The following TENM3 variants were observed in gnomAD, a reference collection of about 807,000 sequenced individuals.
TENM3 encodes teneurin-3.
A neutral mutation model predicts 255.1 loss-of-function variants in TENM3; 63 were observed. That is an observed-to-expected ratio of 0.25 (90% CI 0.20 to 0.30). The LOEUF (loss-of-function observed/expected upper bound fraction) is 0.30, where lower values mean the gene tolerates loss of function less well. TENM3 is among the 10% of genes least tolerant of loss of function. The pLI is 1.00. For missense variants in TENM3, 2,929 were observed against 3,461.1 expected (o/e 0.85, Z 3.86); for synonymous variants, 1,306 against 1,322.3 (o/e 0.99, Z 0.27).
intron 1 of TENM3, among the ~76,000 whole-genome samples, chr4:182,154,944 A>G (rs957021891): frequency 1.3e-5 from 2 of 152,218 alleles, no homozygotes; most frequent in African/African-American, 4.8e-5. Context: ...TTTGCACAGC[A>G]TAAGAGTCTG....
chr4:181,645,662 A>T, the TENM3 span, among the ~76,000 whole-genome samples: 1 of 152,220 alleles, frequency 6.6e-6, no homozygotes, highest in South Asian at 2.1e-4. Context: ...GAACTCGTCC[A>T]AGTGATATGA....
intron 3 of TENM3, among the ~76,000 whole-genome samples, chr4:182,491,179 C>T (rs80234115): frequency 0.019 from 2,942 of 152,102 alleles, 47 homozygotes; most frequent in South Asian, 0.067. Context: ...ATAAAGTAAA[C>T]GTTAAGGCAA....
intron 19 of TENM3, among the ~76,000 whole-genome samples, chr4:182,744,409 AG>A (rs1200340100): frequency 2.6e-5 from 4 of 152,178 alleles, no homozygotes. Flanking sequence ...ATTACAAAAA[AG>A]TATAAGGAAT....
At position 182,711,727 on chromosome 4, in the gene TENM3, G is replaced by C. The variant is rs1247992370; in HGVS notation, c.2222-2360G>C. 1.4e-5 allele frequency: 3 copies of C among 221,392 alleles called. No homozygotes were observed. The South Asian group carries it at 4.8e-4, about 36-fold the overall frequency. 13.7% of individuals were successfully genotyped at this position (221,392 alleles called of 1,614,324 possible). A position where few individuals can be genotyped will look rare whatever the true frequency, so the allele number is the denominator to read the frequency against. Reference sequence around the variant, plus strand: ...AAATTATAAATCAGAGTTAAATTATGTAAAATGCCTTGGATTTAAAGTATT... The same window carrying C: ...AAATTATAAATCAGAGTTAAATTATCTAAAATGCCTTGGATTTAAAGTATT... On this transcript the variant is annotated intron_variant, in intron 12 of 27. Coordinates refer to ENST00000511685, the MANE Select transcript of TENM3 (RefSeq NM_001080477.4).
chr4:181,731,101 T>C, the TENM3 span, among the ~76,000 whole-genome samples: 1 of 152,210 alleles, frequency 6.6e-6, no homozygotes, highest in African/African-American at 2.4e-5. Flanking sequence ...TTACAGCTTG[T>C]TAATTCTTTA....
the TENM3 span, among the ~76,000 whole-genome samples, chr4:181,541,395 T>A: frequency 2.0e-5 from 3 of 151,610 alleles, no homozygotes; most frequent in South Asian, 2.1e-4. Flanking sequence ...TTAAAAAAAA[T>A]TAAAAAGTTC....
chr4:182,195,811 C>G (rs1033065190), intron 1 of TENM3, among the ~76,000 whole-genome samples: 2 of 152,114 alleles, frequency 1.3e-5, no homozygotes, highest in Non-Finnish European at 2.9e-5. Flanking sequence ...TAAACATTAA[C>G]TCACTTAACT....
At chr4:181,790,921 A>G in the TENM3 span, among the ~76,000 whole-genome samples, 1 of 152,172 alleles carries the variant, frequency 6.6e-6, no homozygotes, top group African/African-American at 2.4e-5. Context: ...ACTTAGTCCT[A>G]GGGTTCAAGT....
intron 1 of TENM3, among the ~76,000 whole-genome samples, chr4:182,230,805 TCTC>T (rs1756505283): frequency 8.2e-6 from 1 of 122,356 alleles, no homozygotes; most frequent in Non-Finnish European, 1.7e-5. Flanking sequence ...AAATACAGTT[TCTC>T]AAACTATATA....
At position 182,728,890 on chromosome 4, in the gene TENM3, T is replaced by G; in HGVS notation, c.2369-75T>G. 2.6e-6 allele frequency: 3 copies of G among 1,174,414 alleles called. No individual in the cohort carries two copies. The Admixed American group carries it at 7.5e-5, about 29-fold the overall frequency. 72.7% of individuals were successfully genotyped at this position (1,174,414 alleles called of 1,614,324 possible). On this transcript the variant is annotated intron_variant, in intron 13 of 27. Transcript: ENST00000511685. ...CTTGATGTGAAAAAAAAAAAAACAG[T>G]CAAGAAACAAAACTGATTCTACATT...
chr4:182,220,969 C>T (rs1421006816), intron 1 of TENM3, among the ~76,000 whole-genome samples: 1 of 152,138 alleles, frequency 6.6e-6, no homozygotes, highest in African/African-American at 2.4e-5. Flanking sequence ...TATCTTTTAG[C>T]AGAGTTTTGT....
At chr4:182,548,714 A>G (rs1380739406) in intron 3 of TENM3, 1 of 152,176 alleles carries the variant, frequency 6.6e-6, no homozygotes, top group Non-Finnish European at 1.5e-5. Flanking sequence ...TTACCGGTTT[A>G]ATAATGGATC....
At chr4:181,547,671 T>C in the TENM3 span, among the ~76,000 whole-genome samples, 4 of 152,260 alleles carry the variant, frequency 2.6e-5, no homozygotes, top group Non-Finnish European at 5.9e-5. Context: ...TCCCACTTAG[T>C]ACACTGGACA....
chr4:181,803,389 T>A, the TENM3 span, among the ~76,000 whole-genome samples: 2 of 152,220 alleles, frequency 1.3e-5, no homozygotes, highest in African/African-American at 2.4e-5. Flanking sequence ...TTGTATTAGA[T>A]GCATATCTAC....
chr4:182,511,311 C>T (rs1443998833), intron 3 of TENM3, among the ~76,000 whole-genome samples: 1 of 152,160 alleles, frequency 6.6e-6, no homozygotes, highest in Non-Finnish European at 1.5e-5. Context: ...TTCAAACCAA[C>T]CCACTGTGCA....
At chr4:182,760,692 C>T (rs901873425) in intron 22 of TENM3, among the ~76,000 whole-genome samples, 3 of 152,094 alleles carry the variant, frequency 2.0e-5, no homozygotes, top group African/African-American at 7.2e-5. Context: ...TATGGGTCTC[C>T]GGCTTCTCAT....
the TENM3 span, among the ~76,000 whole-genome samples, chr4:182,063,411 G>A: frequency 6.6e-6 from 1 of 152,150 alleles, no homozygotes; most frequent in Non-Finnish European, 1.5e-5. Flanking sequence ...TAGTCTCAAT[G>A]TTGGTTCACG....
chr4:182,714,201 C>A lies in TENM3; in HGVS notation c.2336C>A (p.Thr779Asn). 4 of 1,612,844 alleles carry A rather than the reference C, an allele frequency of 2.5e-6. No homozygotes were observed. The highest frequency in any genetic ancestry group is 3.4e-6 in the Non-Finnish European group (4 of 1,179,694). The change falls in exon 13 of 28, where the codon ACT becomes AAT. Residue 779 changes from threonine (T) to asparagine (N), a missense_variant. Thr to Asn is a moderately conservative substitution (Grantham distance 65). Transcript: ENST00000511685. ...RGAGCDVAME[T>N]LCTDSKDNEG... is the part of the protein sequence containing the mutation. ...GCAGGCTGTGACGTAGCCATGGAGA[C>A]TCTTTGCACAGATAGCAAGGACAAT...
chr4:181,666,673 C>A, the TENM3 span, among the ~76,000 whole-genome samples: 1 of 152,078 alleles, frequency 6.6e-6, no homozygotes, highest in South Asian at 2.1e-4. Context: ...GTAGCTGCAG[C>A]AATTGTTTCA....
Sources: allele counts gnomAD v4.1 joint callset (sites outside exome capture counted in the v4.1 genomes callset), GRCh38; gene constraint gnomAD v4.1.1; transcripts MANE v1.5; gene names NCBI Gene and HGNC (gene_info 2026-07-23, HGNC 2026-07-21).